The following C1S variants were observed in gnomAD, a reference collection of about 807,000 sequenced individuals.
The protein encoded by C1S is complement C1s.
Under a neutral mutation model 54.0 loss-of-function variants are expected in C1S, and 31 were observed. That is an observed-to-expected ratio of 0.57 (90% CI 0.43 to 0.78). The LOEUF (loss-of-function observed/expected upper bound fraction) is 0.78. Among genes scored for constraint, C1S ranks in the 30% least tolerant of loss-of-function variants. The probability of loss-of-function intolerance (pLI) is 0.00; values close to 1 mark genes in which losing one functional copy is unlikely to be tolerated. For missense variants in C1S, 727 were observed against 851.8 expected, an observed-to-expected ratio of 0.85 and a Z score of 1.82; for synonymous variants, 292 against 303.6, an observed-to-expected ratio of 0.96 and a Z score of 0.40.
Position 7,064,367 on chromosome 12 carries a change from C to T in C1S, c.492C>T (p.Leu164=). Residue 164 remains leucine, a synonymous_variant, in exon 5 of 12, where the codon CTC becomes CTT. Transcript: ENST00000360817. ...YFCSCPPEYF[L]HDDMKNCGVN... Reference sequence around the variant, plus strand: ...GCTCCTGCCCCCCGGAATATTTCCTCCATGATGACATGAAGAATTGCGGAG... The same window carrying T: ...GCTCCTGCCCCCCGGAATATTTCCTTCATGATGACATGAAGAATTGCGGAG... 1 of 1,614,096 alleles carries T rather than the reference C, an allele frequency of 6.2e-7. No individual in the cohort carries two copies. The highest frequency in any genetic ancestry group is 1.1e-5 in the South Asian group (1 of 91,080).
rs20573 is a variant in C1S, at chr12:7,067,724, G to A, written c.1148G>A (p.Arg383His). The A allele has an allele frequency of 1.4e-3, 2,249 of 1,613,970 alleles. 24 individuals are homozygous for A. The African/African-American group carries it at 0.025, about 18-fold the overall frequency. ...AGCACTTTGTTTGGTTCTGTCATCC[G>A]CTACACTTGTGAGGAGCCATATTAC... is the stretch of plus-strand genomic sequence containing the variant. ...PESTLFGSVI[R>H]YTCEEPYYYM... Residue 383 changes from arginine (R) to histidine (H), a missense_variant, in exon 10 of 12, where the codon CGC becomes CAC. This residue lies in a region of C1S where 360 missense variants were observed against 453.6 expected (regional missense o/e 0.79). Transcript: ENST00000360817.
intron 3 of C1S, 31 bp from the exon 4 acceptor site, chr12:7,062,859 C>T: frequency 6.2e-7 from 1 of 1,609,870 alleles, no homozygotes; most frequent in East Asian, 2.2e-5. Context: ...TTACCCTTTC[C>T]TAGATTTTTT....
intron 3 of C1S, 73 bp downstream of exon 3, chr12:7,062,755 A>G: frequency 1.3e-6 from 2 of 1,495,252 alleles, no homozygotes; most frequent in Non-Finnish European, 1.9e-6. Flanking sequence ...TGTGGGAGGG[A>G]GTGCCACCTG....
intron 7 of C1S, 134 bp from the exon 8 acceptor site, chr12:7,066,384 T>C: frequency 1.4e-6 from 1 of 711,058 alleles, no homozygotes; most frequent in Non-Finnish European, 2.6e-6. Flanking sequence ...AGACATCTGC[T>C]GTATTGGAAT....
chr12:7,061,764 C>G, intron 1 of C1S, 75 bp from the exon 2 acceptor site: 1 of 792,362 alleles, frequency 1.3e-6, no homozygotes, highest in African/African-American at 1.7e-5. Context: ...GACACTGAGC[C>G]CCAGGTGACG....
rs781915882 is a variant in C1S, at chr12:7,066,787, T to C, written c.987+154T>C. On this transcript the variant is annotated intron_variant, in intron 8 of 11. Coordinates refer to ENST00000360817, the MANE Select transcript of C1S (RefSeq NM_001734.5). ...GCTTAAGATCTGTAGTTCTCCCTTGTGAGTCATGGAGCTGCCTGGCCAGCT... is the reference window on the plus strand; with the variant it reads ...GCTTAAGATCTGTAGTTCTCCCTTGCGAGTCATGGAGCTGCCTGGCCAGCT... 3.3e-5 allele frequency: 24 copies of C among 716,480 alleles called. 1 individual carries two copies. The Admixed American group carries it at 4.8e-4, about 14-fold the overall frequency. 44.4% of individuals were successfully genotyped at this position (716,480 alleles called of 1,614,324 possible).
Position 7,070,470 on chromosome 12 carries a change from A to C in C1S, c.1886A>C (p.Lys629Thr), listed in dbSNP as rs1937822099. 1 of 1,614,232 alleles carries C rather than the reference A, an allele frequency of 6.2e-7. No homozygotes were observed. Among genetic ancestry groups the C allele is most frequent in the Non-Finnish European group, 8.5e-7 (1 of 1,180,038 alleles). Residue 629 changes from lysine to threonine, a missense_variant, in exon 12 of 12, where the codon AAA becomes ACA. Around this residue, in one of 3 missense-constraint regions of C1S, gnomAD observed 360 missense variants for 453.6 expected, o/e 0.79. Coordinates refer to ENST00000360817, the MANE Select transcript of C1S (RefSeq NM_001734.5). This position sits in a 1 kb window ranked among gnomAD's most constrained non-coding sequence, Gnocchi z 4.9. The part of the protein sequence containing the change: ...AGGEKGMDSC[K>T]GDSGGAFAVQ... Reference sequence around the variant, plus strand: ...GGAGAGAAGGGCATGGATAGCTGTAAAGGGGACAGTGGTGGGGCCTTTGCT... The same window carrying C: ...GGAGAGAAGGGCATGGATAGCTGTACAGGGGACAGTGGTGGGGCCTTTGCT...
Position 7,066,186 on chromosome 12 carries a change from CA to C in C1S, c.871+219del, listed in dbSNP as rs1947174515. The C allele has an allele frequency of 8.4e-5, 52 of 616,908 alleles. 1 individual carries two copies. In the South Asian group the frequency reaches 9.6e-4, roughly 11 times the overall value. The allele number at this position is 616,908 out of a possible 1,614,324, so 38.2% of individuals were successfully genotyped here. On this transcript the variant is annotated intron_variant, in intron 7 of 11. Transcript: ENST00000360817. ...CCTTGTCTCTAAAACAAAACAAAAA[CA>C]AAGCAACAATAATTTAAAAAACAGA...
In C1S at chr12:7,065,133, T is replaced by C. The variant is rs782541591; in HGVS notation, c.551T>C (p.Ile184Thr). The C allele has an allele frequency of 2.0e-5, 33 of 1,613,948 alleles. No individual in the cohort carries two copies. Among genetic ancestry groups the C allele is most frequent in the Middle Eastern group, 3.3e-4 (2 of 6,084 alleles). The change falls in exon 6 of 12, where the codon ATT (isoleucine) becomes ACT (threonine). Residue 184 changes from isoleucine (I) to threonine (T), a missense_variant. By Grantham distance (89) the Ile-to-Thr change is moderately conservative. Coordinates refer to ENST00000360817, the MANE Select transcript of C1S (RefSeq NM_001734.5). ...AGTGGGGATGTATTCACTGCACTGATTGGGGAGATTGCAAGTCCCAATTAT... is the reference window on the plus strand; with the variant it reads ...AGTGGGGATGTATTCACTGCACTGACTGGGGAGATTGCAAGTCCCAATTAT... ...NCSGDVFTAL[I>T]GEIASPNYPK...
Position 7,070,696 on chromosome 12 carries a change from A to T in C1S, c.*45A>T, listed in dbSNP as rs1937833413. On this transcript the variant is annotated 3_prime_UTR_variant, in exon 12 of 12. Transcript: ENST00000360817. This position sits in a 1 kb window ranked among gnomAD's most constrained non-coding sequence, Gnocchi z 4.9. Reference sequence around the variant, plus strand: ...CCTCTCCAAGGGTGGTGACCAATGCATTACCTTCTGTTCCTTATGATATTC... The same window carrying T: ...CCTCTCCAAGGGTGGTGACCAATGCTTTACCTTCTGTTCCTTATGATATTC... The T allele has an allele frequency of 1.4e-6, 2 of 1,403,166 alleles. No homozygotes were observed. 86.9% of individuals were successfully genotyped at this position (1,403,166 alleles called of 1,614,324 possible).
At chr12:7,066,855 G>A (rs1327896565) in intron 8 of C1S, 184 bp from the exon 9 acceptor site, 9 of 708,138 alleles carry the variant, frequency 1.3e-5, no homozygotes, top group Non-Finnish European at 2.3e-5. Context: ...AAGGGGAGTT[G>A]ACACGTTGGG....
chr12:7,067,794 G>A (rs1937713621), intron 10 of C1S, 23 bp downstream of exon 10: 2 of 1,239,388 alleles, frequency 1.6e-6, no homozygotes, highest in Non-Finnish European at 2.2e-6. Flanking sequence ...TACTGGAGAA[G>A]AGAGAGAGAG....
intron 1 of C1S, 146 bp from the exon 2 acceptor site, chr12:7,061,693 G>A (rs1947090222): frequency 1.5e-6 from 1 of 658,386 alleles, no homozygotes; most frequent in African/African-American, 1.8e-5. Context: ...GAGGGTGTGA[G>A]GGGCACGGTG....
At position 7,067,867 on chromosome 12, in the gene C1S, T is replaced by C. The variant is rs1937718324; in HGVS notation, c.1195+96T>C. ...GCCAGAGACAGAGTTTGGAGACAAA[T>C]GAAGGCGATAGGACAGACATTGTTC... is the stretch of plus-strand genomic sequence containing the variant. On this transcript the variant is annotated intron_variant, in intron 10 of 11. Coordinates refer to ENST00000360817, the MANE Select transcript of C1S (RefSeq NM_001734.5). The C allele has an allele frequency of 3.1e-6, 4 of 1,290,196 alleles. No individual in the cohort carries two copies. The Admixed American group carries it at 6.9e-5, about 22-fold the overall frequency. The allele number at this position is 1,290,196 out of a possible 1,614,324, so 79.9% of individuals were successfully genotyped here.
intron 5 of C1S, among the ~76,000 whole-genome samples, 159 bp from the exon 6 acceptor site, chr12:7,064,941 T>G (rs1947151608): frequency 6.6e-6 from 1 of 152,172 alleles, no homozygotes; most frequent in South Asian, 2.1e-4. Context: ...CTGATACGTA[T>G]TGCACGTGTA....
At chr12:7,062,388 C>G in intron 2 of C1S, 87 bp from the exon 3 acceptor site, 1 of 965,484 alleles carries the variant, frequency 1.0e-6, no homozygotes, top group South Asian at 1.3e-5. Context: ...TCTTCTTCCC[C>G]CTTTCTTCTG....
chr12:7,070,396 A>G lies in C1S; in HGVS notation c.1812A>G (p.Thr604=), dbSNP rs1565625099. ...AAGAAGTGAAAGTGGAGAAACCCAC[A>G]GCAGATGCAGAGGCCTATGTTTTCA... ...KCKEVKVEKP[T]ADAEAYVFTP... The change falls in exon 12 of 12, where the codon ACA becomes ACG. Residue 604 remains threonine (T), a synonymous_variant. Coordinates refer to ENST00000360817, the MANE Select transcript of C1S (RefSeq NM_001734.5). The surrounding 1 kb of genome is among the most constrained non-coding windows in gnomAD (Gnocchi z 4.9). 6.2e-7 allele frequency: 1 copy of G among 1,614,272 alleles called. No individual in the cohort carries two copies.
intron 10 of C1S, 82 bp from the exon 11 acceptor site, chr12:7,068,374 G>A (rs1295447506): frequency 2.1e-6 from 2 of 964,006 alleles, no homozygotes; most frequent in African/African-American, 1.6e-5. Context: ...AAGGAACGGG[G>A]CAGGGTGTTG....
At chr12:7,066,876 C>G (rs1937680402) in intron 8 of C1S, 163 bp from the exon 9 acceptor site, 2 of 718,248 alleles carry the variant, frequency 2.8e-6, no homozygotes, top group Non-Finnish European at 5.1e-6. Context: ...GCAAAGCTTT[C>G]TGTCAGCCTC....
Sources: gnomAD v4.1 joint callset for allele counts (sites outside exome capture counted in the v4.1 genomes callset) on GRCh38, gnomAD v4.1.1 for gene constraint, gnomAD v4.1.1 regional missense constraint, Gnocchi (gnomAD v3.1) non-coding constraint, MANE v1.5 for transcripts, NCBI Gene and HGNC (gene_info 2026-07-23, HGNC 2026-07-21) for gene names.